Variants in MSH3 observed in about 807,000 individuals in gnomAD.
MSH3 encodes DNA mismatch repair protein Msh3.
In MSH3, 106 loss-of-function variants were observed where a neutral mutation model predicts 123.3. The observed-to-expected ratio is 0.86, with a 90% CI of 0.73 to 1.01. The LOEUF (loss-of-function observed/expected upper bound fraction) is 1.01. Ranked by LOEUF, MSH3 falls within the 50% of genes least tolerant of loss-of-function variation. The probability of loss-of-function intolerance (pLI) is 0.00; values close to 1 mark genes in which losing one functional copy is unlikely to be tolerated. For synonymous variants in MSH3, 515 were observed against 481.4 expected (o/e 1.07, Z -0.91); for missense variants, 1,459 against 1,347.6 (o/e 1.08, Z -1.29).
At chr5:80,714,032 C>A (rs1750906941) in intron 8 of MSH3, among the ~76,000 whole-genome samples, 1 of 151,298 alleles carries the variant, frequency 6.6e-6, no homozygotes, top group Admixed American at 6.6e-5. Flanking sequence ...AACAGAGAGG[C>A]ATGTTACATA....
intron 12 of MSH3, among the ~76,000 whole-genome samples, chr5:80,748,624 A>G (rs1743766459): frequency 6.6e-6 from 1 of 151,714 alleles, no homozygotes; most frequent in African/African-American, 2.4e-5. Context: ...ATTATATCGA[A>G]TTAATTTTTT....
intron 4 of MSH3, among the ~76,000 whole-genome samples, chr5:80,671,497 G>T (rs1045727876): frequency 2.6e-5 from 4 of 152,154 alleles, no homozygotes; most frequent in African/African-American, 7.2e-5. Context: ...GTTTTCTGAG[G>T]GCAGGAACAA....
At position 80,681,002 on chromosome 5, in the gene MSH3, G is replaced by A. The variant is rs554427913; in HGVS notation, c.1340+1909G>A. Among the ~76,000 whole-genome samples the A allele has an allele frequency of 1.1e-4, 17 of 152,100 alleles. No homozygotes were observed. The South Asian group carries it at 3.5e-3, about 32-fold the overall frequency. On this transcript the variant is annotated intron_variant, in intron 8 of 23. Coordinates refer to ENST00000265081, the MANE Select transcript of MSH3 (RefSeq NM_002439.5). ...AAATTCCTGAAAATGGAATTAACTGGATCAGAAGGTATGAATGTTTATAAA... is the reference window on the plus strand; with the variant it reads ...AAATTCCTGAAAATGGAATTAACTGAATCAGAAGGTATGAATGTTTATAAA...
At chr5:80,864,672 A>G (rs1746069381) in intron 21 of MSH3, 141 bp from the exon 22 acceptor site, 2 of 675,412 alleles carry the variant, frequency 3.0e-6, no homozygotes, top group Non-Finnish European at 5.0e-6. Flanking sequence ...ATCTAGGTAA[A>G]CAGTATATAA....
chr5:80,748,797 G>A (rs186252967), intron 12 of MSH3, among the ~76,000 whole-genome samples: 2 of 151,068 alleles, frequency 1.3e-5, no homozygotes, highest in Admixed American at 1.3e-4. Context: ...GTAAATATTG[G>A]TAGAGGAGAA....
chr5:80,832,232 G>A (rs1193542679), intron 20 of MSH3, among the ~76,000 whole-genome samples: 1 of 152,136 alleles, frequency 6.6e-6, no homozygotes, highest in East Asian at 1.9e-4. Context: ...GAAAATATGG[G>A]GAAAGGGGAG....
At chr5:80,797,822 C>T (rs917820274) in intron 19 of MSH3, among the ~76,000 whole-genome samples, 3 of 152,168 alleles carry the variant, frequency 2.0e-5, no homozygotes, top group African/African-American at 7.2e-5. Flanking sequence ...CCACCCACCA[C>T]CTGTGGGTTA....
At chr5:80,846,363 G>T (rs1745720894) in intron 20 of MSH3, among the ~76,000 whole-genome samples, 1 of 151,782 alleles carries the variant, frequency 6.6e-6, no homozygotes, top group Non-Finnish European at 1.5e-5. Context: ...CGGGGTTTTG[G>T]GACCCGCTTG....
intron 19 of MSH3, among the ~76,000 whole-genome samples, chr5:80,802,723 A>G (rs935594908): frequency 1.3e-5 from 2 of 152,044 alleles, no homozygotes; most frequent in Non-Finnish European, 2.9e-5. Flanking sequence ...CTTCACCCCT[A>G]CTACCCTTCC....
rs116653327 is a variant in MSH3 at position 80,791,955 on chromosome 5, T to C, written c.2544-778T>C. Among the ~76,000 whole-genome samples, 477 of 152,202 alleles carry C rather than the reference T, an allele frequency of 3.1e-3. 4 individuals carry two copies. The highest frequency in any genetic ancestry group is 0.011 in the African/African-American group (448 of 41,520). On this transcript the variant is annotated intron_variant, in intron 18 of 23. Transcript: ENST00000265081. ...GCTAAAGCTGTAGATAAAACAGATA[T>C]AGAGGTCTTTAAAAAGCATAAAGAA...
chr5:80,728,774 G>T (rs1743348921), intron 9 of MSH3, 77 bp from the exon 10 acceptor site: 7 of 774,822 alleles, frequency 9.0e-6, no homozygotes, highest in South Asian at 3.2e-5. Flanking sequence ...ACAAGTTAAT[G>T]GTTCTGTTTA....
chr5:80,686,139 A>T (rs1279985885), intron 8 of MSH3, among the ~76,000 whole-genome samples: 1 of 152,200 alleles, frequency 6.6e-6, no homozygotes, highest in Non-Finnish European at 1.5e-5. Flanking sequence ...GCTGAGGAAA[A>T]GAAAGTGTAT....
At chr5:80,679,224 AT>A in intron 8 of MSH3, 131 bp downstream of exon 8, 8 of 984,332 alleles carry the variant, frequency 8.1e-6, no homozygotes, top group South Asian at 1.4e-5. Context: ...AGTAGTGGAA[AT>A]TTAAAAAAAA....
chr5:80,685,134 T>C (rs917112051), intron 8 of MSH3, among the ~76,000 whole-genome samples: 18 of 151,998 alleles, frequency 1.2e-4, no homozygotes, highest in African/African-American at 4.3e-4. Context: ...CTTTATTTGA[T>C]ATGAATTTGT....
Position 80,778,997 on chromosome 5 carries a change from C to CT in MSH3, c.2435+173dup, listed in dbSNP as rs368557083. Among the ~76,000 whole-genome samples, 987 of 131,182 alleles carry CT rather than the reference C, an allele frequency of 7.5e-3. 8 individuals are homozygous for CT. Among genetic ancestry groups the CT allele is most frequent in the South Asian group, 0.048 (195 of 4,082 alleles). The allele number at this position is 131,182 out of a possible 152,430, so 86.1% of individuals were successfully genotyped here. On this transcript the variant is annotated intron_variant, in intron 17 of 23. Transcript: ENST00000265081. ...TTTTATTTCTTTTTTTTTTTTTTTA[C>CT]TTTTTTTTTTTTGATACTGAGTCTT... is the stretch of plus-strand genomic sequence containing the variant.
intron 1 of MSH3, 89 bp downstream of exon 1, chr5:80,655,053 C>T (rs893316587): frequency 1.4e-5 from 10 of 725,404 alleles, no homozygotes; most frequent in Non-Finnish European, 2.1e-5. Context: ...ACCCTCCGCC[C>T]GATGATAGGG....
chr5:80,778,934 G>T, intron 17 of MSH3, 98 bp downstream of exon 17: 1 of 744,454 alleles, frequency 1.3e-6, no homozygotes, highest in East Asian at 2.5e-5. Flanking sequence ...TACAGCTCAT[G>T]ACCCACCATA....
chr5:80,672,896 A>G, intron 6 of MSH3, 38 bp downstream of exon 6: 1 of 1,459,294 alleles, frequency 6.9e-7, no homozygotes, highest in Non-Finnish European at 9.6e-7. Flanking sequence ...CTTAAATGAT[A>G]CAAGGGCTTT....
At chr5:80,837,253 AGT>A (rs1301382194) in intron 20 of MSH3, among the ~76,000 whole-genome samples, 5 of 152,168 alleles carry the variant, frequency 3.3e-5, no homozygotes, top group Admixed American at 3.3e-4. Context: ...TCGACCAAAG[AGT>A]GTAAATTAGT....
Sources: allele counts gnomAD v4.1 joint callset (sites outside exome capture counted in the v4.1 genomes callset), GRCh38; gene constraint gnomAD v4.1.1; transcripts MANE v1.5; gene names NCBI Gene and HGNC (gene_info 2026-07-23, HGNC 2026-07-21).